The following ETV1 variants were observed in gnomAD, a reference collection of about 807,000 sequenced individuals.
The protein encoded by ETV1 is ETS variant transcription factor 1.
In ETV1, 27 loss-of-function variants were observed where a neutral mutation model predicts 62.3. The ratio of observed to expected loss-of-function variants is 0.43; its 90% confidence interval spans 0.32 to 0.60. The LOEUF (loss-of-function observed/expected upper bound fraction) is 0.60, where lower values mean the gene tolerates loss of function less well. Ranked by LOEUF, ETV1 falls within the 20% of genes least tolerant of loss-of-function variation. The pLI, the probability that ETV1 is intolerant of heterozygous loss-of-function variation, is 0.06. For missense variants in ETV1, 605 were observed against 605.8 expected (o/e 1.00, Z 0.01); for synonymous variants, 222 against 199.6 (o/e 1.11, Z -0.94).
intron 6 of ETV1, among the ~76,000 whole-genome samples, chr7:13,970,561 C>T (rs1780801407): frequency 1.3e-5 from 2 of 152,134 alleles, no homozygotes; most frequent in South Asian, 4.2e-4. Context: ...AAAAAAATGC[C>T]ATTTCTCTTT....
chr7:13,988,917 C>A, intron 3 of ETV1, 91 bp downstream of exon 3: 1 of 1,467,544 alleles, frequency 6.8e-7, no homozygotes, highest in Non-Finnish European at 9.4e-7. Context: ...GCAATCCCAA[C>A]CCCCGTGCCC....
intron 9 of ETV1, among the ~76,000 whole-genome samples, chr7:13,929,429 G>C (rs1785826379): frequency 6.6e-6 from 1 of 152,188 alleles, no homozygotes; most frequent in Admixed American, 6.5e-5. Flanking sequence ...TCTCAGCCAT[G>C]TCAAGTTTAG....
At chr7:13,900,928 C>G in intron 12 of ETV1, 89 bp from the exon 13 acceptor site, 1 of 823,386 alleles carries the variant, frequency 1.2e-6, no homozygotes, top group Non-Finnish European at 1.9e-6. Flanking sequence ...CTTCCAAACC[C>G]ACAAAAATGT....
At chr7:13,934,142 G>C (rs1054431826) in intron 8 of ETV1, among the ~76,000 whole-genome samples, 16 of 152,074 alleles carry the variant, frequency 1.1e-4, no homozygotes, top group Non-Finnish European at 4.4e-5. Flanking sequence ...CCTGCAATAA[G>C]AATTCTTTCA....
intron 6 of ETV1, among the ~76,000 whole-genome samples, chr7:13,964,601 T>C (rs569462748): frequency 6.6e-6 from 1 of 152,220 alleles, no homozygotes; most frequent in Non-Finnish European, 1.5e-5. Context: ...GGCATAAAAA[T>C]ATTGAATTGA....
chr7:13,906,228 T>C (rs1192078749), intron 12 of ETV1: 5 of 410,214 alleles, frequency 1.2e-5, no homozygotes, highest in Admixed American at 4.3e-5. Flanking sequence ...TTTTGTAGGA[T>C]TGTATACAAC....
At chr7:13,958,653 G>T (rs1407461550) in intron 6 of ETV1, 1 of 152,188 alleles carries the variant, frequency 6.6e-6, no homozygotes, top group Non-Finnish European at 1.5e-5. Context: ...CTAGCTACAA[G>T]ACAGTGTAGC....
At chr7:13,944,539 C>T (rs191893098) in intron 6 of ETV1, among the ~76,000 whole-genome samples, 98 of 151,802 alleles carry the variant, frequency 6.5e-4, no homozygotes, top group Non-Finnish European at 1.1e-3. Context: ...TTTCAATATC[C>T]GAATTTGCTG....
chr7:13,966,612 A>C (rs1433413280), intron 6 of ETV1, among the ~76,000 whole-genome samples: 4 of 152,042 alleles, frequency 2.6e-5, no homozygotes, highest in Admixed American at 2.6e-4. Flanking sequence ...ATGCCACTGC[A>C]CTCCAGACTG....
intron 6 of ETV1, among the ~76,000 whole-genome samples, chr7:13,956,612 G>T (rs1459865902): frequency 6.6e-6 from 1 of 152,244 alleles, no homozygotes; most frequent in Non-Finnish European, 1.5e-5. Flanking sequence ...CTAGGTAGCA[G>T]TGGTGTACAG....
intron 11 of ETV1, among the ~76,000 whole-genome samples, chr7:13,907,514 G>A (rs1028866011): frequency 4.0e-5 from 6 of 151,678 alleles, no homozygotes; most frequent in African/African-American, 1.5e-4. Flanking sequence ...CAATGCTTCT[G>A]GTATAAATCT....
intron 9 of ETV1, among the ~76,000 whole-genome samples, chr7:13,911,811 C>T (rs1235377958): frequency 6.6e-6 from 1 of 152,098 alleles, no homozygotes; most frequent in Non-Finnish European, 1.5e-5. Context: ...ATAATTCTGA[C>T]CATATAAAAG....
rs555437878 is a variant in ETV1, at chr7:13,894,304, T to C, written c.*1562A>G. On this transcript the variant is annotated 3_prime_UTR_variant, in exon 14 of 14. Transcript: ENST00000430479. ...TATATCCCCATTTACTCATGGTTTT[T>C]TCAAGGTGAATGAAACAACATACCC... The C allele has an allele frequency of 8.6e-6, 2 of 232,858 alleles. No homozygotes were observed. The highest frequency in any genetic ancestry group is 1.8e-4 in the South Asian group (1 of 5,522). 14.4% of individuals were successfully genotyped at this position (232,858 alleles called of 1,614,324 possible).
At chr7:13,952,930 A>T (rs1269846369) in intron 6 of ETV1, among the ~76,000 whole-genome samples, 1 of 152,204 alleles carries the variant, frequency 6.6e-6, no homozygotes, top group African/African-American at 2.4e-5. Context: ...TCATCTTCAC[A>T]GTCTAATTGC....
chr7:13,900,100 C>T (rs1782259255), intron 13 of ETV1, among the ~76,000 whole-genome samples: 1 of 152,108 alleles, frequency 6.6e-6, no homozygotes, highest in Admixed American at 6.6e-5. Flanking sequence ...CTGCACTCTA[C>T]CCTAGGCGAC....
At chr7:13,942,622 T>G (rs947037348) in intron 6 of ETV1, among the ~76,000 whole-genome samples, 2 of 152,152 alleles carry the variant, frequency 1.3e-5, no homozygotes, top group Non-Finnish European at 2.9e-5. Context: ...TCTCATCATC[T>G]AGCTCCTACT....
chr7:13,970,115 G>T (rs1780723768), intron 6 of ETV1, among the ~76,000 whole-genome samples: 1 of 151,474 alleles, frequency 6.6e-6, no homozygotes, highest in Non-Finnish European at 1.5e-5. Context: ...AAAAAAATTA[G>T]CCTGGCGTGG....
chr7:13,930,606 C>T (rs186995772), intron 9 of ETV1, among the ~76,000 whole-genome samples: 128 of 152,138 alleles, frequency 8.4e-4, no homozygotes, highest in East Asian at 7.2e-3. Context: ...CAGGCGTGAG[C>T]CACCAGACTG....
intron 5 of ETV1, among the ~76,000 whole-genome samples, chr7:13,983,483 T>G (rs534584436): frequency 6.6e-6 from 1 of 152,088 alleles, no homozygotes; most frequent in South Asian, 2.1e-4. Context: ...CATTATTTCA[T>G]GGGATCAAAT....
Sources: gnomAD v4.1 joint callset for allele counts (sites outside exome capture counted in the v4.1 genomes callset) on GRCh38, gnomAD v4.1.1 for gene constraint, MANE v1.5 for transcripts, NCBI Gene and HGNC (gene_info 2026-07-23, HGNC 2026-07-21) for gene names.